Variants in WWOX observed in about 807,000 individuals in gnomAD.
WWOX encodes WW domain containing oxidoreductase, also known as WW domain-containing oxidoreductase.
Under a neutral mutation model 46.2 loss-of-function variants are expected in WWOX, and 69 were observed. The ratio of observed to expected loss-of-function variants is 1.49; its 90% CI spans 1.23 to 1.82. The LOEUF (loss-of-function observed/expected upper bound fraction) is 1.82, where lower values mean the gene tolerates loss of function less well. WWOX is among the 40% of genes most tolerant of loss of function. WWOX has a pLI of 0.00. For missense variants in WWOX, 919 were observed against 542.6 expected (o/e 1.69, Z -6.89); for synonymous variants, 359 against 202.6 (o/e 1.77, Z -6.56).
chr16:79,022,680 A>C (rs993419068), intron 8 of WWOX, among the ~76,000 whole-genome samples: 1 of 152,140 alleles, frequency 6.6e-6, no homozygotes, highest in Non-Finnish European at 1.5e-5. Flanking sequence ...GCCAAATGAT[A>C]TGCACTGATG....
At chr16:79,074,612 A>G (rs944136585) in intron 8 of WWOX, among the ~76,000 whole-genome samples, 2 of 151,856 alleles carry the variant, frequency 1.3e-5, no homozygotes, top group East Asian at 3.9e-4. Context: ...ATAAGCTAGG[A>G]ATACTAAGAA....
At chr16:78,577,020 G>A (rs2044898455) in intron 8 of WWOX, among the ~76,000 whole-genome samples, 1 of 152,148 alleles carries the variant, frequency 6.6e-6, no homozygotes, top group Non-Finnish European at 1.5e-5. Flanking sequence ...AAAATTCAGT[G>A]ATTAGTTTAT....
intron 8 of WWOX, among the ~76,000 whole-genome samples, chr16:78,663,240 G>C (rs553578275): frequency 6.6e-5 from 10 of 152,198 alleles, no homozygotes; most frequent in African/African-American, 1.7e-4. Context: ...GATATAAATG[G>C]AATCATACAA....
At chr16:79,147,343 A>G (rs982354073) in intron 8 of WWOX, among the ~76,000 whole-genome samples, 2 of 152,234 alleles carry the variant, frequency 1.3e-5, no homozygotes, top group Non-Finnish European at 2.9e-5. Context: ...TAAGCAGAAT[A>G]GCATAGTATG....
chr16:78,659,106 A>C (rs1203460285), intron 8 of WWOX, among the ~76,000 whole-genome samples: 2 of 149,924 alleles, frequency 1.3e-5, no homozygotes, highest in Admixed American at 1.3e-4. Flanking sequence ...AAAAACAAAC[A>C]AACAAACAAA....
chr16:78,945,917 G>C (rs1002448443), intron 8 of WWOX, among the ~76,000 whole-genome samples: 1 of 152,024 alleles, frequency 6.6e-6, no homozygotes, highest in African/African-American at 2.4e-5. Context: ...GAACATGTCA[G>C]TTCATCTCAC....
At chr16:78,732,106 C>T (rs2048984077) in intron 8 of WWOX, among the ~76,000 whole-genome samples, 1 of 152,204 alleles carries the variant, frequency 6.6e-6, no homozygotes, top group East Asian at 1.9e-4. Flanking sequence ...TCAAATGATC[C>T]TCCTGCCGTG....
chr16:78,923,722 G>T lies in WWOX; in HGVS notation c.1057-287886G>T, dbSNP rs545785284. ...AGAAAAAGTAGTTTTTATCTGCCTT[G>T]GAAATGTCAAAAGGATTCACAAGTT... On this transcript the variant is annotated intron_variant, in intron 8 of 8. Transcript: ENST00000566780. Among the ~76,000 whole-genome samples the T allele has an allele frequency of 9.5e-5, 14 of 147,076 alleles. No homozygotes were observed. In the East Asian group the frequency reaches 2.6e-3, roughly 27 times the overall value.
intron 8 of WWOX, among the ~76,000 whole-genome samples, chr16:78,445,822 G>T (rs1350316946): frequency 2.0e-5 from 3 of 151,022 alleles, no homozygotes; most frequent in Admixed American, 6.6e-5. Flanking sequence ...AGGTTGCCAT[G>T]AGCAGAGATC....
Position 79,008,216 on chromosome 16 carries a change from C to G in WWOX, c.1057-203392C>G, listed in dbSNP as rs116429991. ...GAGGCTATTCTCAGGCTCTCAGGCCCTATCCACAGATGACCTCACAACATG... is the reference window on the plus strand; with the variant it reads ...GAGGCTATTCTCAGGCTCTCAGGCCGTATCCACAGATGACCTCACAACATG... On this transcript the variant is annotated intron_variant, in intron 8 of 8. Transcript: ENST00000566780. Among the ~76,000 whole-genome samples the G allele has an allele frequency of 7.7e-3, 1,169 of 152,272 alleles. 19 individuals carry two copies. Among genetic ancestry groups the G allele is most frequent in the African/African-American group, 0.027 (1,112 of 41,564 alleles).
chr16:79,063,095 TC>T (rs1187868214), intron 8 of WWOX, among the ~76,000 whole-genome samples: 1 of 152,210 alleles, frequency 6.6e-6, no homozygotes, highest in Non-Finnish European at 1.5e-5. Flanking sequence ...GCGCCAAATC[TC>T]CCACCAAATC....
At chr16:78,945,529 A>G (rs996632233) in intron 8 of WWOX, among the ~76,000 whole-genome samples, 9 of 152,144 alleles carry the variant, frequency 5.9e-5, no homozygotes, top group Non-Finnish European at 8.8e-5. Context: ...TACTGTTTAT[A>G]TACCCGGCCA....
chr16:78,860,708 C>T (rs1034118160), intron 8 of WWOX, among the ~76,000 whole-genome samples: 4 of 152,226 alleles, frequency 2.6e-5, no homozygotes, highest in Non-Finnish European at 4.4e-5. Flanking sequence ...TGCCAACATC[C>T]GCTTTAGTGC....
At chr16:79,017,549 A>T (rs749040689) in intron 8 of WWOX, 11 of 149,400 alleles carry the variant, frequency 7.4e-5, no homozygotes, top group Non-Finnish European at 1.3e-4. Flanking sequence ...CAGGCTTTGC[A>T]GGCCCTATGA....
intron 8 of WWOX, among the ~76,000 whole-genome samples, chr16:78,810,463 C>T (rs989434958): frequency 2.6e-5 from 4 of 152,238 alleles, no homozygotes; most frequent in African/African-American, 9.6e-5. Context: ...CAGAAAACAT[C>T]CCTAGGAAGT....
intron 8 of WWOX, among the ~76,000 whole-genome samples, chr16:78,669,495 G>A (rs1243239446): frequency 6.6e-6 from 1 of 152,216 alleles, no homozygotes; most frequent in Admixed American, 6.5e-5. Context: ...CAAGGCCAGT[G>A]ATGGTGCTGA....
intron 5 of WWOX, among the ~76,000 whole-genome samples, chr16:78,261,261 AGGT>A: frequency 8.2e-6 from 1 of 121,352 alleles, no homozygotes; most frequent in Non-Finnish European, 1.7e-5. Flanking sequence ...ATGTGTGGTA[AGGT>A]AGATAGATAG....
At chr16:78,974,081 C>A (rs912848146) in intron 8 of WWOX, among the ~76,000 whole-genome samples, 8 of 152,158 alleles carry the variant, frequency 5.3e-5, no homozygotes, top group African/African-American at 1.7e-4. Context: ...AAAAATCTTG[C>A]ATTCAAAAAG....
At chr16:78,943,624 C>T (rs1318390799) in intron 8 of WWOX, among the ~76,000 whole-genome samples, 2 of 152,160 alleles carry the variant, frequency 1.3e-5, no homozygotes, top group African/African-American at 4.8e-5. Flanking sequence ...CTCTGTGTGG[C>T]CCCGTCAATG....
Sources: allele counts gnomAD v4.1 joint callset (sites outside exome capture counted in the v4.1 genomes callset), GRCh38; gene constraint gnomAD v4.1.1; transcripts MANE v1.5; gene names NCBI Gene and HGNC (gene_info 2026-07-23, HGNC 2026-07-21).